KAT6B: variants seen among roughly 807,000 people sequenced by gnomAD.
KAT6B encodes histone acetyltransferase KAT6B.
A neutral mutation model predicts 187.5 loss-of-function variants in KAT6B; 10 were observed. The observed-to-expected ratio is 0.05, with a 90% CI of 0.03 to 0.09. The LOEUF (loss-of-function observed/expected upper bound fraction) is 0.09, where lower values mean the gene tolerates loss of function less well. KAT6B is among the 10% of genes least tolerant of loss of function. KAT6B has a pLI of 1.00. For missense variants in KAT6B, 1,952 were observed against 2,558.9 expected, an observed-to-expected ratio of 0.76 and a Z score of 5.12; for synonymous variants, 861 against 926.8, an observed-to-expected ratio of 0.93 and a Z score of 1.29.
At chr10:74,928,426 T>C (rs1848646182) in intron 3 of KAT6B, among the ~76,000 whole-genome samples, 1 of 152,168 alleles carries the variant, frequency 6.6e-6, no homozygotes, top group South Asian at 2.1e-4. Flanking sequence ...ATATTTTGGG[T>C]GGTAATCAAG....
Position 74,877,454 on chromosome 10 carries a change from C to T in KAT6B, c.621+33976C>T, listed in dbSNP as rs564038202. Among the ~76,000 whole-genome samples, 14 of 152,202 alleles carry T rather than the reference C, an allele frequency of 9.2e-5. No homozygotes were observed. The South Asian group carries it at 2.9e-3, about 32-fold the overall frequency. ...TATTGTTTTGTAGGCAGCTTCTGAA[C>T]CAGAGTAGGCTCAGAGACTCCCTTT... On this transcript the variant is annotated intron_variant, in intron 3 of 17. Coordinates refer to ENST00000287239, the MANE Select transcript of KAT6B (RefSeq NM_012330.4).
chr10:74,962,065 T>A (rs1841132148), intron 4 of KAT6B, among the ~76,000 whole-genome samples: 1 of 152,168 alleles, frequency 6.6e-6, no homozygotes, highest in Admixed American at 6.5e-5. Flanking sequence ...TGCGATGGGA[T>A]CCGGCTCTAG....
At chr10:74,838,253 C>T (rs1000079833) in intron 1 of KAT6B, among the ~76,000 whole-genome samples, 3 of 152,268 alleles carry the variant, frequency 2.0e-5, no homozygotes, top group Admixed American at 1.3e-4. Context: ...GGACAAACAG[C>T]GAATGCTGCC....
intron 4 of KAT6B, among the ~76,000 whole-genome samples, chr10:74,967,924 T>C (rs1035063893): frequency 3.3e-5 from 5 of 152,146 alleles, no homozygotes; most frequent in African/African-American, 1.2e-4. Context: ...AAAAATTCAG[T>C]GCGTGAAATT....
Position 75,028,806 on chromosome 10 carries a change from G to A in KAT6B, c.3982G>A (p.Glu1328Lys). The change falls in exon 18 of 18, where the codon GAA becomes AAA. Residue 1328 changes from glutamate to lysine, a missense_variant. By Grantham distance (56) the Glu-to-Lys change is moderately conservative. Around this residue, in one of 9 missense-constraint regions of KAT6B, gnomAD observed 758 missense variants for 891.4 expected, o/e 0.85. Coordinates refer to ENST00000287239, the MANE Select transcript of KAT6B (RefSeq NM_012330.4). ...LLPQEENRRE[E>K]TCAPVSPNTS... Reference sequence around the variant, plus strand: ...GCCTCAAGAGGAAAACAGAAGGGAAGAAACATGTGCCCCTGTAAGTCCAAA... The same window carrying A: ...GCCTCAAGAGGAAAACAGAAGGGAAAAAACATGTGCCCCTGTAAGTCCAAA... The A allele has an allele frequency of 6.2e-7, 1 of 1,614,116 alleles. No homozygotes were observed. Among genetic ancestry groups the A allele is most frequent in the Non-Finnish European group, 8.5e-7 (1 of 1,180,026 alleles).
intron 3 of KAT6B, 79 bp from the exon 4 acceptor site, chr10:74,959,891 T>C: frequency 1.0e-6 from 1 of 977,900 alleles, no homozygotes; most frequent in Non-Finnish European, 1.6e-6. Flanking sequence ...AAGTGAAAAA[T>C]GTAAAAAGCT....
At chr10:74,883,759 C>A (rs544098621) in intron 3 of KAT6B, among the ~76,000 whole-genome samples, 37 of 152,280 alleles carry the variant, frequency 2.4e-4, no homozygotes, top group African/African-American at 8.7e-4. Flanking sequence ...TGTTGGATGA[C>A]CTGGTCCTCT....
intron 3 of KAT6B, among the ~76,000 whole-genome samples, chr10:74,860,199 G>A (rs1843082632): frequency 6.6e-6 from 1 of 152,006 alleles, no homozygotes; most frequent in Non-Finnish European, 1.5e-5. Context: ...TCTCTCTCCT[G>A]AAATCCATGA....
chr10:74,928,671 A>G (rs2133143598), intron 3 of KAT6B, among the ~76,000 whole-genome samples: 1 of 152,310 alleles, frequency 6.6e-6, no homozygotes, highest in Non-Finnish European at 1.5e-5. Context: ...TTTTTGGAGA[A>G]AGAAATATTT....
intron 3 of KAT6B, among the ~76,000 whole-genome samples, chr10:74,912,055 C>A (rs892732964): frequency 6.6e-6 from 1 of 152,146 alleles, no homozygotes; most frequent in Non-Finnish European, 1.5e-5. Flanking sequence ...ATCTTCCCAC[C>A]TTGGCCTCCT....
chr10:75,007,067 C>CAAA (rs888030380), intron 13 of KAT6B, among the ~76,000 whole-genome samples: 2 of 67,182 alleles, frequency 3.0e-5, no homozygotes, highest in African/African-American at 5.2e-5. Flanking sequence ...GACTCCATCT[C>CAAA]AAAAAAAAAA....
At chr10:74,984,689 C>A in intron 11 of KAT6B, 1 of 198,630 alleles carries the variant, frequency 5.0e-6, no homozygotes, top group Non-Finnish European at 1.0e-5. Context: ...TAAAGTTTAA[C>A]TTACTTGAGA....
chr10:74,888,171 T>A (rs1845419009), intron 3 of KAT6B, among the ~76,000 whole-genome samples: 1 of 152,228 alleles, frequency 6.6e-6, no homozygotes, highest in Non-Finnish European at 1.5e-5. Context: ...CAGTGGAGTT[T>A]GCAAAGAATG....
chr10:74,915,909 A>G (rs1238426888), intron 3 of KAT6B, among the ~76,000 whole-genome samples: 1 of 152,128 alleles, frequency 6.6e-6, no homozygotes, highest in East Asian at 1.9e-4. Flanking sequence ...GCTCATACCT[A>G]TAATCCCAGC....
At chr10:74,860,543 A>G (rs543465605) in intron 3 of KAT6B, among the ~76,000 whole-genome samples, 2 of 152,342 alleles carry the variant, frequency 1.3e-5, no homozygotes, top group African/African-American at 2.4e-5. Flanking sequence ...TGGTGTTTCA[A>G]TCCTGGTGCA....
At chr10:74,825,594 G>C (rs1387570083), upstream of KAT6B, 1 of 155,562 alleles carries the variant, frequency 6.4e-6, no homozygotes, top group Non-Finnish European at 1.4e-5. This position sits in a 1 kb window ranked among gnomAD's most constrained non-coding sequence, Gnocchi z 5.0. Context: ...CAAAGGACGA[G>C]GCGGAGGCTG....
rs1267510501 is a variant in KAT6B, at chr10:74,959,999, C to T, written c.651C>T (p.Ser217=). The part of the protein sequence containing the change: ...QPRADPIPIC[S]FCLGTKESNR... ...GTGCTGATCCCATTCCAATATGTAG[C>T]TTCTGTTTGGGGACTAAAGAATCAA... is the stretch of plus-strand genomic sequence containing the variant. The change falls in exon 4 of 18, where the codon AGC becomes AGT. Residue 217 remains serine (S), a synonymous_variant. Transcript: ENST00000287239. 3.7e-6 allele frequency: 6 copies of T among 1,612,882 alleles called. No homozygotes were observed. The East Asian group carries it at 1.3e-4, about 36-fold the overall frequency.
Position 75,031,035 on chromosome 10 carries a change from A to C in KAT6B, c.6211A>C (p.Met2071Leu). ...CAAACAGTCTCTCAATGGCTCCTACATGAGAAGGTAGACAACGTGGGCAGT... is the reference window on the plus strand; with the variant it reads ...CAAACAGTCTCTCAATGGCTCCTACCTGAGAAGGTAGACAACGTGGGCAGT... ...MSKQSLNGSY[M>L]RR Residue 2071 changes from methionine to leucine, a missense_variant, in exon 18 of 18, where the codon ATG becomes CTG. Met to Leu is a conservative substitution (Grantham distance 15). This residue lies in a region of KAT6B where 358 missense variants were observed against 436.3 expected (regional missense o/e 0.82). Coordinates refer to ENST00000287239, the MANE Select transcript of KAT6B (RefSeq NM_012330.4). The C allele has an allele frequency of 6.2e-7, 1 of 1,614,136 alleles. No individual in the cohort carries two copies. Among genetic ancestry groups the C allele is most frequent in the Non-Finnish European group, 8.5e-7 (1 of 1,180,006 alleles).
intron 17 of KAT6B, among the ~76,000 whole-genome samples, chr10:75,027,144 T>C (rs1845916774): frequency 6.6e-6 from 1 of 152,010 alleles, no homozygotes; most frequent in East Asian, 1.9e-4. Flanking sequence ...GTCTCAAAAA[T>C]AAAAAGAATG....
Sources: gnomAD v4.1 joint callset for allele counts (sites outside exome capture counted in the v4.1 genomes callset) on GRCh38, gnomAD v4.1.1 for gene constraint, gnomAD v4.1.1 regional missense constraint, Gnocchi (gnomAD v3.1) non-coding constraint, MANE v1.5 for transcripts, NCBI Gene and HGNC (gene_info 2026-07-23, HGNC 2026-07-21) for gene names.